DOCK2: variants seen among roughly 807,000 people sequenced by gnomAD.
The protein encoded by DOCK2 is dedicator of cytokinesis protein 2.
A neutral mutation model predicts 248.9 loss-of-function variants in DOCK2; 87 were observed. That is an observed-to-expected ratio of 0.35 (90% CI 0.29 to 0.42). The LOEUF (loss-of-function observed/expected upper bound fraction) is 0.42, where lower values mean the gene tolerates loss of function less well. Ranked by LOEUF, DOCK2 falls within the 10% of genes least tolerant of loss-of-function variation. DOCK2 has a pLI of 1.00. For missense variants in DOCK2, 1,747 were observed against 2,300.2 expected (o/e 0.76, Z 4.92); for synonymous variants, 805 against 821.6 (o/e 0.98, Z 0.35).
At chr5:169,823,441 C>T (rs1768615037) in intron 26 of DOCK2, among the ~76,000 whole-genome samples, 1 of 152,112 alleles carries the variant, frequency 6.6e-6, no homozygotes, top group Admixed American at 6.5e-5. Context: ...TGGGCTTCAT[C>T]CCTGGGATGC....
At chr5:169,927,748 C>A (rs1046471492) in intron 27 of DOCK2, among the ~76,000 whole-genome samples, 1 of 152,218 alleles carries the variant, frequency 6.6e-6, no homozygotes, top group Non-Finnish European at 1.5e-5. Flanking sequence ...TCCCGAGTAG[C>A]TGGGACTACA....
At chr5:170,035,419 A>G (rs990654774) in intron 35 of DOCK2, among the ~76,000 whole-genome samples, 1 of 152,016 alleles carries the variant, frequency 6.6e-6, no homozygotes, top group East Asian at 1.9e-4. Context: ...CAGCCTAGAT[A>G]TTGCCATTGA....
At chr5:169,686,072 G>A (rs984716213) in intron 8 of DOCK2, among the ~76,000 whole-genome samples, 12 of 150,964 alleles carry the variant, frequency 7.9e-5, no homozygotes, top group South Asian at 4.1e-4. Context: ...GGTGGACCCC[G>A]ATAATGAGTG....
chr5:169,769,452 T>A (rs1764965685), intron 25 of DOCK2, among the ~76,000 whole-genome samples: 1 of 152,176 alleles, frequency 6.6e-6, no homozygotes, highest in Admixed American at 6.5e-5. Context: ...GTCCCTGGGA[T>A]GGTAGAAAGA....
intron 36 of DOCK2, 47 bp from the exon 37 acceptor site, chr5:170,041,007 TC>T (rs1378720071): frequency 3.2e-6 from 5 of 1,545,650 alleles, no homozygotes; most frequent in African/African-American, 1.4e-5. Context: ...GCCAGGTGTC[TC>T]CTTTTCACTG....
At chr5:169,848,848 G>A (rs1045505877) in intron 27 of DOCK2, among the ~76,000 whole-genome samples, 1 of 152,182 alleles carries the variant, frequency 6.6e-6, no homozygotes, top group Admixed American at 6.5e-5. Flanking sequence ...TTCCTCTGCT[G>A]CTTCACCTCA....
At chr5:169,956,113 G>A (rs77579400) in intron 27 of DOCK2, among the ~76,000 whole-genome samples, 10 of 151,708 alleles carry the variant, frequency 6.6e-5, no homozygotes, top group African/African-American at 2.4e-4. Flanking sequence ...CAAATTTGCT[G>A]TGTCCTTGAT....
chr5:169,672,963 A>G (rs2113301008), intron 5 of DOCK2, among the ~76,000 whole-genome samples: 1 of 152,198 alleles, frequency 6.6e-6, no homozygotes, highest in Admixed American at 6.5e-5. Context: ...TCGGCACACC[A>G]CCCTCCCAGC....
At chr5:169,670,971 T>C in intron 4 of DOCK2, 107 bp from the exon 5 acceptor site, 2 of 841,768 alleles carry the variant, frequency 2.4e-6, no homozygotes, top group Non-Finnish European at 3.8e-6. Flanking sequence ...TAGTCTAATG[T>C]CAGGAAGGCC....
chr5:169,823,495 T>A (rs1459971790), intron 26 of DOCK2, among the ~76,000 whole-genome samples: 1 of 152,120 alleles, frequency 6.6e-6, no homozygotes, highest in African/African-American at 2.4e-5. Flanking sequence ...TAATCCAGCA[T>A]ATAAACAGAA....
chr5:169,744,923 C>T (rs1237215437), intron 22 of DOCK2, among the ~76,000 whole-genome samples: 1 of 152,188 alleles, frequency 6.6e-6, no homozygotes, highest in African/African-American at 2.4e-5. Context: ...CACACAGGTA[C>T]ACCCTACAGA....
chr5:169,856,469 G>A (rs1770901061), intron 27 of DOCK2, among the ~76,000 whole-genome samples: 1 of 152,148 alleles, frequency 6.6e-6, no homozygotes, highest in Non-Finnish European at 1.5e-5. Context: ...GCATATTAGT[G>A]GAGATGAGGT....
chr5:169,711,274 G>C (rs1418454430), intron 15 of DOCK2, among the ~76,000 whole-genome samples: 8 of 152,206 alleles, frequency 5.3e-5, no homozygotes, highest in Non-Finnish European at 1.2e-4. Flanking sequence ...CAGAGGAGCT[G>C]TGAGACTTTG....
intron 27 of DOCK2, among the ~76,000 whole-genome samples, chr5:169,918,404 G>C (rs1774993880): frequency 6.6e-6 from 1 of 152,118 alleles, no homozygotes; most frequent in Non-Finnish European, 1.5e-5. Context: ...CTGTAGCACT[G>C]TTTATAAATC....
intron 27 of DOCK2, among the ~76,000 whole-genome samples, chr5:169,882,089 G>T (rs1016690831): frequency 5.3e-5 from 8 of 152,164 alleles, no homozygotes; most frequent in African/African-American, 1.9e-4. Context: ...CATCAAAGTA[G>T]TCAGTACAGG....
At chr5:169,923,252 A>G (rs1399807373) in intron 27 of DOCK2, among the ~76,000 whole-genome samples, 1 of 152,028 alleles carries the variant, frequency 6.6e-6, no homozygotes. Flanking sequence ...TGGTGTAAAC[A>G]TGAGATGTCT....
At chr5:169,913,110 T>C (rs548775024) in intron 27 of DOCK2, among the ~76,000 whole-genome samples, 35 of 152,316 alleles carry the variant, frequency 2.3e-4, no homozygotes, top group Admixed American at 2.0e-3. Context: ...TTCCTGTCAT[T>C]TGAAACAGGT....
intron 25 of DOCK2, among the ~76,000 whole-genome samples, chr5:169,768,910 C>T (rs1764937709): frequency 6.6e-6 from 1 of 152,176 alleles, no homozygotes; most frequent in African/African-American, 2.4e-5. Context: ...CAACAGGCAA[C>T]TCCTACTCAT....
intron 26 of DOCK2, among the ~76,000 whole-genome samples, chr5:169,804,500 G>A (rs528119214): frequency 0.012 from 594 of 48,466 alleles, 5 homozygotes; most frequent in African/African-American, 0.019. Flanking sequence ...GCGCGCGTGC[G>A]CGTAAGCATT....
Sources: gnomAD v4.1 joint callset for allele counts (sites outside exome capture counted in the v4.1 genomes callset) on GRCh38, gnomAD v4.1.1 for gene constraint, MANE v1.5 for transcripts, NCBI Gene and HGNC (gene_info 2026-07-23, HGNC 2026-07-21) for gene names.